Variants in EYA2 observed in about 807,000 individuals in gnomAD.
The protein encoded by EYA2 is protein phosphatase EYA2.
EYA2 carries 31 observed loss-of-function variants against 69.2 expected under a neutral mutation model. The observed-to-expected ratio is 0.45, with a 90% CI of 0.34 to 0.60. The LOEUF is 0.60. Among genes scored for constraint, EYA2 ranks in the 20% least tolerant of loss-of-function variants. EYA2 has a pLI of 0.02. For missense variants in EYA2, 622 were observed against 701.2 expected, an observed-to-expected ratio of 0.89 and a Z score of 1.28; for synonymous variants, 257 against 279.4, an observed-to-expected ratio of 0.92 and a Z score of 0.80.
At position 47,091,918 on chromosome 20, in the gene EYA2, C is replaced by T. The variant is rs74848936; in HGVS notation, c.804+2537C>T. On this transcript the variant is annotated intron_variant, in intron 8 of 15. Transcript: ENST00000327619. ...GTGCAGTGTCCTGTCCTTCGGTGTC[C>T]GATTCCAAGAAGACAGTATCCCAGT... Among the ~76,000 whole-genome samples the T allele has an allele frequency of 7.9e-3, 1,198 of 152,186 alleles. 6 individuals are homozygous for T. Among genetic ancestry groups the T allele is most frequent in the Non-Finnish European group, 0.013 (898 of 68,020 alleles).
chr20:46,963,033 G>A (rs564992652), intron 1 of EYA2, among the ~76,000 whole-genome samples: 3 of 152,116 alleles, frequency 2.0e-5, no homozygotes, highest in Non-Finnish European at 4.4e-5. Context: ...CCACCCCGTG[G>A]GATGACGGCA....
intron 1 of EYA2, among the ~76,000 whole-genome samples, chr20:46,932,121 C>T (rs553173850): frequency 1.4e-4 from 22 of 151,732 alleles, no homozygotes; most frequent in South Asian, 1.3e-3. Flanking sequence ...TCATTTCATC[C>T]ACCTACCTCG....
intron 8 of EYA2, among the ~76,000 whole-genome samples, chr20:47,095,344 C>T (rs2146515770): frequency 6.6e-6 from 1 of 152,044 alleles, no homozygotes. Context: ...AAGGCAGTAT[C>T]AACCCAAAAG....
chr20:47,073,624 G>A (rs1419334396), intron 6 of EYA2, among the ~76,000 whole-genome samples: 1 of 152,116 alleles, frequency 6.6e-6, no homozygotes, highest in Non-Finnish European at 1.5e-5. Context: ...CAGGACAGGT[G>A]CCATCAGGGC....
At chr20:47,122,773 T>C (rs1302498644) in intron 9 of EYA2, among the ~76,000 whole-genome samples, 42 of 152,178 alleles carry the variant, frequency 2.8e-4, no homozygotes, top group Admixed American at 2.7e-3. Context: ...TAAAGTTTTA[T>C]TGTAACAGTC....
chr20:47,167,698 A>G (rs192227033), intron 10 of EYA2, among the ~76,000 whole-genome samples: 2 of 151,982 alleles, frequency 1.3e-5, no homozygotes, highest in Non-Finnish European at 1.5e-5. Context: ...CCTTTCTGTC[A>G]TCAGATCACT....
intron 9 of EYA2, among the ~76,000 whole-genome samples, chr20:47,135,818 CAAAAAAA>C (rs1201324879): frequency 6.9e-4 from 23 of 33,270 alleles, no homozygotes; most frequent in East Asian, 3.9e-3. Context: ...CCTGTCTCTA[CAAAAAAA>C]AAAAAAAAAA....
chr20:47,017,707 G>A (rs1983494853), intron 5 of EYA2, among the ~76,000 whole-genome samples: 1 of 152,128 alleles, frequency 6.6e-6, no homozygotes, highest in South Asian at 2.1e-4. Context: ...CATGCTAGGT[G>A]CCAGGTGATG....
chr20:47,056,612 G>A (rs1487423718), intron 5 of EYA2, among the ~76,000 whole-genome samples: 2 of 152,130 alleles, frequency 1.3e-5, no homozygotes, highest in African/African-American at 2.4e-5. Context: ...TACAGATGAG[G>A]AAACTGAGGC....
At chr20:47,131,592 A>G (rs758713560) in intron 9 of EYA2, among the ~76,000 whole-genome samples, 2 of 152,162 alleles carry the variant, frequency 1.3e-5, no homozygotes, top group Non-Finnish European at 2.9e-5. Context: ...AAGGGTTTTT[A>G]TAAAAGGGAG....
intron 1 of EYA2, among the ~76,000 whole-genome samples, chr20:46,976,251 C>G (rs367719575): frequency 2.0e-5 from 3 of 152,136 alleles, no homozygotes; most frequent in East Asian, 3.9e-4. Flanking sequence ...CACCTGTAGC[C>G]CTAGCTACTC....
intron 9 of EYA2, among the ~76,000 whole-genome samples, chr20:47,133,477 G>C (rs1393660901): frequency 2.0e-5 from 3 of 152,200 alleles, no homozygotes; most frequent in Non-Finnish European, 2.9e-5. Flanking sequence ...CTCCACAATA[G>C]CATGCTGCCT....
At position 47,054,680 on chromosome 20, in the gene EYA2, CT is replaced by C. The variant is rs1162839903; in HGVS notation, c.416-17502del. Among the ~76,000 whole-genome samples, 7 of 152,190 alleles carry C rather than the reference CT, an allele frequency of 4.6e-5. No individual in the cohort carries two copies. In the East Asian group the frequency reaches 1.2e-3, roughly 25 times the overall value. Reference sequence around the variant, plus strand: ...ACCCCAGGACATCCCATACAGAGTTCTTTCTGCTGCTCTGCCCCACGTCCCT... The same window carrying C: ...ACCCCAGGACATCCCATACAGAGTTCTTCTGCTGCTCTGCCCCACGTCCCT... On this transcript the variant is annotated intron_variant, in intron 5 of 15. Transcript: ENST00000327619.
chr20:47,074,229 C>T lies in EYA2; in HGVS notation c.555C>T (p.Pro185=), dbSNP rs1442036452. Reference sequence around the variant, plus strand: ...ATTACGGCTCATCCTACAACCCTCCCTACGTCCCGGCCAGCAGCATCTGCC... The same window carrying T: ...ATTACGGCTCATCCTACAACCCTCCTTACGTCCCGGCCAGCAGCATCTGCC... ...PQYYGSSYNP[P]YVPASSICPS... is the part of the protein sequence containing the mutation. The change falls in exon 7 of 16, where the codon CCC becomes CCT. Residue 185 remains proline, a synonymous_variant. Transcript: ENST00000327619. 6.2e-7 allele frequency: 1 copy of T among 1,614,120 alleles called. No individual in the cohort carries two copies. Among genetic ancestry groups the T allele is most frequent in the Non-Finnish European group, 8.5e-7 (1 of 1,179,986 alleles).
chr20:46,955,093 C>A (rs755934231), intron 1 of EYA2, among the ~76,000 whole-genome samples: 3 of 151,358 alleles, frequency 2.0e-5, no homozygotes, highest in Non-Finnish European at 4.4e-5. Context: ...CTTTTTCATT[C>A]TTTTGCTGCA....
chr20:47,044,576 A>G lies in EYA2; in HGVS notation c.416-27609A>G, dbSNP rs544706313. ...CAACCAGGTGGTCAGGCTGGGTCTC[A>G]CTAAGAAGTTGGCGTTGAGCACATG... On this transcript the variant is annotated intron_variant, in intron 5 of 15. Transcript: ENST00000327619. Among the ~76,000 whole-genome samples, 10 of 152,318 alleles carry G rather than the reference A, an allele frequency of 6.6e-5. No homozygotes were observed. In the South Asian group the frequency reaches 2.1e-3, roughly 32 times the overall value.
chr20:47,101,088 T>A (rs2032411074), intron 9 of EYA2, among the ~76,000 whole-genome samples: 1 of 152,164 alleles, frequency 6.6e-6, no homozygotes. Flanking sequence ...TTTTATTATT[T>A]TTATTAATTT....
chr20:47,123,919 G>A (rs973175013), intron 9 of EYA2, among the ~76,000 whole-genome samples: 4 of 151,692 alleles, frequency 2.6e-5, no homozygotes, highest in Non-Finnish European at 5.9e-5. Context: ...TTGAACCCAA[G>A]AGGCAGAGGT....
chr20:46,925,831 A>G (rs1403207878), intron 1 of EYA2, among the ~76,000 whole-genome samples: 1 of 152,208 alleles, frequency 6.6e-6, no homozygotes, highest in Admixed American at 6.5e-5. Flanking sequence ...CTGCAATTGT[A>G]TGTGTGCAAA....
Sources: allele counts gnomAD v4.1 joint callset (sites outside exome capture counted in the v4.1 genomes callset), GRCh38; gene constraint gnomAD v4.1.1; transcripts MANE v1.5; gene names NCBI Gene and HGNC (gene_info 2026-07-23, HGNC 2026-07-21).